Variants in COL4A2 observed in about 807,000 individuals in gnomAD.
COL4A2 encodes collagen alpha-2(IV) chain.
A neutral mutation model predicts 200.2 loss-of-function variants in COL4A2; 99 were observed. The ratio of observed to expected loss-of-function variants is 0.49; its 90% confidence interval spans 0.42 to 0.58. COL4A2 has a LOEUF of 0.58. Among genes scored for constraint, COL4A2 ranks in the 20% least tolerant of loss-of-function variants. The probability of loss-of-function intolerance (pLI) is 0.00; values close to 1 mark genes in which losing one functional copy is unlikely to be tolerated. For synonymous variants in COL4A2, 897 were observed against 900.6 expected (o/e 1.00, Z 0.07); for missense variants, 1,950 against 2,314.1 (o/e 0.84, Z 3.23).
At chr13:110,492,994 C>T (rs1277396131) in intron 38 of COL4A2, among the ~76,000 whole-genome samples, 1 of 152,288 alleles carries the variant, frequency 6.6e-6, no homozygotes, top group African/African-American at 2.4e-5. Context: ...GGGTTTCTCC[C>T]ACCCAGAACC....
intron 3 of COL4A2, among the ~76,000 whole-genome samples, chr13:110,314,388 G>A (rs1195684238): frequency 1.3e-5 from 2 of 152,254 alleles, no homozygotes; most frequent in East Asian, 1.9e-4. Context: ...TGGGCAGCAA[G>A]AGGGAAATGT....
At chr13:110,329,469 C>T (rs1370229113) in intron 3 of COL4A2, among the ~76,000 whole-genome samples, 1 of 152,230 alleles carries the variant, frequency 6.6e-6, no homozygotes, top group Non-Finnish European at 1.5e-5. Flanking sequence ...TTCCCACCCT[C>T]TTCCCTCACT....
intron 4 of COL4A2, among the ~76,000 whole-genome samples, chr13:110,381,415 G>T (rs1344823450): frequency 2.0e-5 from 3 of 152,350 alleles, no homozygotes; most frequent in Admixed American, 6.5e-5. Flanking sequence ...GGAAAAAAAT[G>T]ATTCTTTAAA....
chr13:110,492,576 A>G (rs1883320051), intron 38 of COL4A2, among the ~76,000 whole-genome samples: 1 of 152,210 alleles, frequency 6.6e-6, no homozygotes, highest in Middle Eastern at 3.2e-3. Context: ...CCACCCTGCC[A>G]TGCTCACTGC....
At chr13:110,320,789 CTCT>C (rs1426938532) in intron 3 of COL4A2, among the ~76,000 whole-genome samples, 1 of 152,182 alleles carries the variant, frequency 6.6e-6, no homozygotes, top group Non-Finnish European at 1.5e-5. Flanking sequence ...TCAAAAACAT[CTCT>C]TCTTTCAACA....
intron 47 of COL4A2, among the ~76,000 whole-genome samples, chr13:110,510,426 A>C (rs984092787): frequency 1.3e-5 from 2 of 152,182 alleles, no homozygotes; most frequent in Non-Finnish European, 2.9e-5. Flanking sequence ...TCTGGCTACT[A>C]TCTGGAGCCC....
chr13:110,449,931 G>A (rs1455766549), intron 19 of COL4A2, 142 bp downstream of exon 19: 1 of 920,262 alleles, frequency 1.1e-6, no homozygotes, highest in Non-Finnish European at 1.6e-6. Flanking sequence ...GCTCTAAGGA[G>A]CCCCGCACAC....
chr13:110,429,523 A>G (rs1880596006), intron 7 of COL4A2, among the ~76,000 whole-genome samples: 1 of 152,226 alleles, frequency 6.6e-6, no homozygotes, highest in Non-Finnish European at 1.5e-5. Flanking sequence ...TGCTTGTGTT[A>G]ATATGTTCAG....
At chr13:110,349,992 A>G (rs983706648) in intron 3 of COL4A2, among the ~76,000 whole-genome samples, 11 of 152,006 alleles carry the variant, frequency 7.2e-5, no homozygotes, top group African/African-American at 2.7e-4. Context: ...TTGAACTCCT[A>G]ACTTCAAGTG....
In COL4A2 at chr13:110,473,005, G is replaced by A; in HGVS notation, c.2280G>A (p.Leu760=). ...GPDGSPGPIG[L]PGPDGPPGER... is the part of the protein sequence containing the mutation. ...ATGGATCCCCAGGTCCCATCGGCCTGCCAGGGCCAGATGGGCCCCCTGGGG... is the reference window on the plus strand; with the variant it reads ...ATGGATCCCCAGGTCCCATCGGCCTACCAGGGCCAGATGGGCCCCCTGGGG... The change falls in exon 29 of 48, where the codon CTG becomes CTA. Residue 760 remains leucine (L), a synonymous_variant. Coordinates refer to ENST00000360467, the MANE Select transcript of COL4A2 (RefSeq NM_001846.4). 1 of 1,528,072 alleles carries A rather than the reference G, an allele frequency of 6.5e-7. No individual in the cohort carries two copies. The highest frequency in any genetic ancestry group is 8.8e-7 in the Non-Finnish European group (1 of 1,138,676). The allele number at this position is 1,528,072 out of a possible 1,614,324, so 94.7% of individuals were successfully genotyped here.
chr13:110,367,558 C>A (rs1384731434), intron 4 of COL4A2, among the ~76,000 whole-genome samples: 1 of 152,194 alleles, frequency 6.6e-6, no homozygotes, highest in Non-Finnish European at 1.5e-5. Context: ...TTGTAAAAGT[C>A]TTATGAAAAT....
chr13:110,404,194 AT>A (rs1457021979), intron 4 of COL4A2, among the ~76,000 whole-genome samples: 2 of 152,212 alleles, frequency 1.3e-5, no homozygotes, highest in African/African-American at 4.8e-5. Flanking sequence ...AAGCTAGCAA[AT>A]AATATAAGTA....
chr13:110,503,541 G>A, intron 43 of COL4A2, 60 bp downstream of exon 43: 1 of 1,046,184 alleles, frequency 9.6e-7, no homozygotes, highest in Non-Finnish European at 1.4e-6. Context: ...CCAGGCTTGG[G>A]GACATCCTGG....
chr13:110,456,405 C>CTTTTTTTT (rs906059216), intron 20 of COL4A2: 3 of 278,390 alleles, frequency 1.1e-5, no homozygotes, highest in Non-Finnish European at 2.1e-5. Flanking sequence ...CTGAGTTCAT[C>CTTTTTTTT]TTTTTTTTAG....
rs754548537 is a variant in COL4A2 at position 110,437,989 on chromosome 13, A to G, written c.826-13A>G. ...AATTAATAAGCGTTTCTTATTTTTC[A>G]TATTCTTCACAGGGTGAAAAAGGCA... On this transcript the variant is annotated splice_polypyrimidine_tract_variant and intron_variant, in intron 13 of 47. Coordinates refer to ENST00000360467, the MANE Select transcript of COL4A2 (RefSeq NM_001846.4). 1.4e-5 allele frequency: 22 copies of G among 1,610,034 alleles called. No homozygotes were observed. The highest frequency in any genetic ancestry group is 1.7e-5 in the Non-Finnish European group (20 of 1,176,800).
At chr13:110,479,354 G>T (rs547919077) in intron 30 of COL4A2, among the ~76,000 whole-genome samples, 3 of 16,972 alleles carry the variant, frequency 1.8e-4, no homozygotes, top group Non-Finnish European at 4.3e-4. Flanking sequence ...GCGGGGACAG[G>T]CAGGTCAGAG....
chr13:110,341,145 T>A (rs1594157256), intron 3 of COL4A2: 1 of 152,384 alleles, frequency 6.6e-6, no homozygotes, highest in African/African-American at 2.4e-5. Context: ...ACTGAGCAGG[T>A]CGGTGGCCAG....
intron 4 of COL4A2, among the ~76,000 whole-genome samples, chr13:110,420,271 G>A (rs1880198020): frequency 6.6e-6 from 1 of 152,210 alleles, no homozygotes; most frequent in Admixed American, 6.5e-5. Context: ...GTCACTACAT[G>A]CAGTTGCCGT....
At chr13:110,451,197 C>T (rs1197627954) in intron 20 of COL4A2, among the ~76,000 whole-genome samples, 4 of 152,170 alleles carry the variant, frequency 2.6e-5, no homozygotes, top group African/African-American at 7.2e-5. Flanking sequence ...CATGCAGTCC[C>T]GCCTGGAGCT....
Sources: allele counts gnomAD v4.1 joint callset (sites outside exome capture counted in the v4.1 genomes callset), GRCh38; gene constraint gnomAD v4.1.1; transcripts MANE v1.5; gene names NCBI Gene and HGNC (gene_info 2026-07-23, HGNC 2026-07-21).